The following THTPA variants were observed in gnomAD, a reference collection of about 807,000 sequenced individuals.
THTPA encodes thiamine-triphosphatase.
Under a neutral mutation model 16.5 loss-of-function variants are expected in THTPA, and 16 were observed. The ratio of observed to expected loss-of-function variants is 0.97; its 90% CI spans 0.66 to 1.47. THTPA has a LOEUF of 1.47. Among genes scored for constraint, THTPA ranks in the 40% most tolerant of loss-of-function variants. The probability of loss-of-function intolerance (pLI) is 0.00; values close to 1 mark genes in which losing one functional copy is unlikely to be tolerated. For synonymous variants in THTPA, 110 were observed against 115.5 expected, an observed-to-expected ratio of 0.95 and a Z score of 0.30; for missense variants, 281 against 280.9, an observed-to-expected ratio of 1.00 and a Z score of 0.00.
At position 23,559,770 on chromosome 14, in the gene THTPA, C is replaced by G. The variant is rs1239812961; in HGVS notation, c.*930C>G. 1.2e-6 allele frequency: 2 copies of G among 1,614,102 alleles called. No homozygotes were observed. The highest frequency in any genetic ancestry group is 1.1e-5 in the South Asian group (1 of 91,082). ...ACAGTTACTGCCACGATTCCACAGG[C>G]AAGTTGTTCACCTCAAAGATCTCCT... is the stretch of plus-strand genomic sequence containing the variant. On this transcript the variant is annotated 3_prime_UTR_variant, in exon 2 of 2. Coordinates refer to ENST00000288014, the MANE Select transcript of THTPA (RefSeq NM_024328.6).
the THTPA span, chr14:23,535,234 C>A: frequency 2.4e-5 from 36 of 1,520,918 alleles, no homozygotes; most frequent in Non-Finnish European, 3.0e-5. This position sits in a 1 kb window ranked among gnomAD's most constrained non-coding sequence, Gnocchi z 4.5. Context: ...AGAGGGGGTG[C>A]TGGAGGAGAA....
chr14:23,554,858 AC>A (rs1423382063), upstream of THTPA, among the ~76,000 whole-genome samples: 2 of 152,314 alleles, frequency 1.3e-5, no homozygotes, highest in Non-Finnish European at 2.9e-5. Context: ...GAGCTTCCTC[AC>A]ATGGAAGGTC....
the THTPA span, chr14:23,523,648 C>A: frequency 6.5e-7 from 1 of 1,549,866 alleles, no homozygotes; most frequent in Non-Finnish European, 8.7e-7. The surrounding 1 kb of genome is among the most constrained non-coding windows in gnomAD (Gnocchi z 4.1). Context: ...TCTCCTCTCC[C>A]AGCACCTCAC....
the THTPA span, chr14:23,523,923 C>A: frequency 6.5e-7 from 1 of 1,536,206 alleles, no homozygotes; most frequent in Non-Finnish European, 8.7e-7. The surrounding 1 kb of genome is among the most constrained non-coding windows in gnomAD (Gnocchi z 4.1). Flanking sequence ...GGGCCCTCTT[C>A]CTCACTGGGT....
chr14:23,559,839 C>T lies in THTPA; in HGVS notation c.*999C>T, dbSNP rs1364687817. On this transcript the variant is annotated 3_prime_UTR_variant, in exon 2 of 2. Coordinates refer to ENST00000288014, the MANE Select transcript of THTPA (RefSeq NM_024328.6). ...GGTCGTAGGTGAGGCGCAGCTTTAGCCGCAGGGGGGCCTAGGAATAGGAGA... is the reference window on the plus strand; with the variant it reads ...GGTCGTAGGTGAGGCGCAGCTTTAGTCGCAGGGGGGCCTAGGAATAGGAGA... The T allele has an allele frequency of 6.2e-7, 1 of 1,613,944 alleles. No homozygotes were observed. The highest frequency in any genetic ancestry group is 8.5e-7 in the Non-Finnish European group (1 of 1,180,028).
chr14:23,534,043 G>C, the THTPA span: 1 of 1,535,326 alleles, frequency 6.5e-7, no homozygotes, highest in Middle Eastern at 1.7e-4. The surrounding 1 kb of genome is among the most constrained non-coding windows in gnomAD (Gnocchi z 4.5). Context: ...GGCTGCAGGG[G>C]CTGGGGTGTA....
the THTPA span, chr14:23,530,315 G>T: frequency 1.3e-6 from 1 of 766,836 alleles, no homozygotes; most frequent in Non-Finnish European, 2.2e-6. Context: ...GGCTCAATCA[G>T]CAGGTAGGAG....
chr14:23,522,462 G>A, the THTPA span: 3 of 1,535,970 alleles, frequency 2.0e-6, no homozygotes, highest in Admixed American at 2.0e-5. Context: ...GGCTCAGGGG[G>A]CTGGGGTGGC....
chr14:23,532,209 C>T, the THTPA span: 1 of 201,056 alleles, frequency 5.0e-6, no homozygotes. Flanking sequence ...TCTCCCCAAC[C>T]CTTTCTCTTT....
the THTPA span, among the ~76,000 whole-genome samples, chr14:23,527,217 G>T: frequency 6.6e-6 from 1 of 152,190 alleles, no homozygotes; most frequent in East Asian, 1.9e-4. Flanking sequence ...GAGGCTACCT[G>T]GTCTGGCAGG....
the THTPA span, chr14:23,521,578 G>C: frequency 5.0e-6 from 1 of 198,064 alleles, no homozygotes; most frequent in Non-Finnish European, 1.0e-5. Flanking sequence ...GCATGTATGT[G>C]TATGCATTTA....
chr14:23,556,067 C>A (rs1882341164), upstream of THTPA: 1 of 152,438 alleles, frequency 6.6e-6, no homozygotes, highest in African/African-American at 2.4e-5. Flanking sequence ...CCGTGCGGGG[C>A]CAACAATGAG....
chr14:23,537,842 C>A, the THTPA span, among the ~76,000 whole-genome samples: 2 of 152,144 alleles, frequency 1.3e-5, no homozygotes, highest in African/African-American at 2.4e-5. Flanking sequence ...ACAGGGTGGG[C>A]CACACCGCCC....
At chr14:23,533,264 G>A in the THTPA span, 4 of 1,436,060 alleles carry the variant, frequency 2.8e-6, no homozygotes, top group African/African-American at 4.3e-5. This position sits in a 1 kb window ranked among gnomAD's most constrained non-coding sequence, Gnocchi z 4.8. Context: ...GAGAGAAGAG[G>A]GAAGAAGCAC....
chr14:23,557,895 A>G (rs1002207973), intron 1 of THTPA, among the ~76,000 whole-genome samples: 16 of 152,240 alleles, frequency 1.1e-4, no homozygotes, highest in African/African-American at 3.1e-4. Flanking sequence ...CTGAGAGTCC[A>G]ACCAGTCTTG....
chr14:23,527,899 TC>T, the THTPA span: 2 of 550,814 alleles, frequency 3.6e-6, no homozygotes, highest in South Asian at 2.1e-5. Flanking sequence ...CCGCCCCCAC[TC>T]CTTTTTTTTT....
chr14:23,515,663 A>C, the THTPA span, among the ~76,000 whole-genome samples: 3 of 152,174 alleles, frequency 2.0e-5, no homozygotes, highest in Non-Finnish European at 4.4e-5. Context: ...AAGATCTGGA[A>C]GATTTGGCTG....
chr14:23,540,647 C>T, the THTPA span, among the ~76,000 whole-genome samples: 6 of 152,230 alleles, frequency 3.9e-5, no homozygotes, highest in Admixed American at 2.6e-4. Context: ...CAGGTTCAAT[C>T]CTTGCTCCAT....
chr14:23,529,031 T>C, the THTPA span, among the ~76,000 whole-genome samples: 1 of 152,262 alleles, frequency 6.6e-6, no homozygotes, highest in African/African-American at 2.4e-5. Flanking sequence ...CATAAGGCAT[T>C]ACTTCAGCTT....
Sources: allele counts gnomAD v4.1 joint callset (sites outside exome capture counted in the v4.1 genomes callset), GRCh38; gene constraint gnomAD v4.1.1; non-coding constraint Gnocchi (gnomAD v3.1); transcripts MANE v1.5; gene names NCBI Gene and HGNC (gene_info 2026-07-23, HGNC 2026-07-21).